Variants in MLPH observed in about 807,000 individuals in gnomAD.
MLPH encodes melanophilin, also known as exophilin-3.
In MLPH, 51 loss-of-function variants were observed where a neutral mutation model predicts 72.1. That is an observed-to-expected ratio of 0.71 (90% CI 0.56 to 0.89). The LOEUF (loss-of-function observed/expected upper bound fraction) is 0.89. Ranked by LOEUF, MLPH falls within the 40% of genes least tolerant of loss-of-function variation. MLPH has a pLI of 0.00. For missense variants in MLPH, 743 were observed against 759.9 expected (o/e 0.98, Z 0.26); for synonymous variants, 301 against 310.1 (o/e 0.97, Z 0.31).
intron 1 of MLPH, among the ~76,000 whole-genome samples, chr2:237,490,133 G>A (rs73098869): frequency 0.029 from 4,396 of 152,204 alleles, 81 homozygotes; most frequent in African/African-American, 0.052. Context: ...GCAGGGTGGC[G>A]TCTGCCCTCC....
At chr2:237,516,818 TGGATGGATGGTA>T (rs2080031633) in intron 4 of MLPH, among the ~76,000 whole-genome samples, 3 of 148,704 alleles carry the variant, frequency 2.0e-5, no homozygotes, top group Admixed American at 6.7e-5. Flanking sequence ...GATGGATGGA[TGGATGGATGGTA>T]GGATGGATGG....
At chr2:237,521,275 T>TA (rs546714457) in intron 6 of MLPH, among the ~76,000 whole-genome samples, 66 of 152,228 alleles carry the variant, frequency 4.3e-4, no homozygotes, top group African/African-American at 1.3e-3. Context: ...GCTCAGGCAT[T>TA]GCTGTATGAT....
chr2:237,492,669 C>T (rs1291540011), intron 1 of MLPH, among the ~76,000 whole-genome samples: 2 of 152,176 alleles, frequency 1.3e-5, no homozygotes, highest in African/African-American at 4.8e-5. Context: ...TCCCAAGTTG[C>T]ATCACTTTTG....
rs2081104033 is a variant in MLPH, at chr2:237,555,269, C to T, written c.*1677C>T. The stretch of plus-strand genomic sequence containing the variant: ...TCGAGCCTGGGCAACAGAGTGAGAC[C>T]TTGTCTCTTAAAAAAATTAATAATA... On this transcript the variant is annotated 3_prime_UTR_variant, in exon 16 of 16. Coordinates refer to ENST00000264605, the MANE Select transcript of MLPH (RefSeq NM_024101.7). 1 of 152,172 alleles carries T rather than the reference C, an allele frequency of 6.6e-6. No individual in the cohort carries two copies. The highest frequency in any genetic ancestry group is 2.4e-5 in the African/African-American group (1 of 41,432). The allele number at this position is 152,172 out of a possible 1,614,324, so 9.4% of individuals were successfully genotyped here.
intron 8 of MLPH, among the ~76,000 whole-genome samples, chr2:237,530,005 G>A (rs547107435): frequency 7.2e-5 from 11 of 152,368 alleles, no homozygotes; most frequent in African/African-American, 2.6e-4. Flanking sequence ...GCACAGCTGG[G>A]GTTCTCAAGG....
At chr2:237,511,126 C>T (rs755389463) in intron 4 of MLPH, 25 bp downstream of exon 4, 2 of 1,575,608 alleles carry the variant, frequency 1.3e-6, no homozygotes, top group Non-Finnish European at 1.7e-6. Flanking sequence ...GTAAGAACGG[C>T]TTTTTGTTCC....
chr2:237,545,656 C>T (rs1354614289), intron 12 of MLPH: 1 of 1,268,858 alleles, frequency 7.9e-7, no homozygotes, highest in Non-Finnish European at 1.0e-6. Context: ...GTCAGGCCAA[C>T]ATCCTCCTCT....
intron 2 of MLPH, among the ~76,000 whole-genome samples, chr2:237,509,786 T>C (rs1047140450): frequency 6.6e-6 from 1 of 152,164 alleles, no homozygotes; most frequent in Non-Finnish European, 1.5e-5. Context: ...ACTCCTCCAC[T>C]CTCTTCACCT....
intron 14 of MLPH, among the ~76,000 whole-genome samples, chr2:237,551,130 A>G (rs1402791207): frequency 6.6e-6 from 1 of 151,428 alleles, no homozygotes; most frequent in African/African-American, 2.5e-5. Flanking sequence ...AGCCCCGCAC[A>G]CTGGCAGGTC....
chr2:237,519,799 C>A, intron 5 of MLPH, 111 bp from the exon 6 acceptor site: 1 of 1,505,248 alleles, frequency 6.6e-7, no homozygotes, highest in Non-Finnish European at 9.2e-7. Context: ...GGAGAGGAGC[C>A]TGCCCCGCCC....
intron 6 of MLPH, among the ~76,000 whole-genome samples, chr2:237,521,525 T>C (rs112077221): frequency 0.1 from 15,863 of 152,268 alleles, 982 homozygotes; most frequent in Non-Finnish European, 0.14. Context: ...ATGCTAGGTG[T>C]GGCTGATTAA....
rs747847937 is a variant in MLPH, at chr2:237,510,910, T to C, written c.333-79T>C. 5.4e-4 allele frequency: 793 copies of C among 1,480,250 alleles called. 3 individuals carry two copies. The highest frequency in any genetic ancestry group is 3.8e-5 in the Non-Finnish European group (40 of 1,059,530). The allele number at this position is 1,480,250 out of a possible 1,614,324, so 91.7% of individuals were successfully genotyped here. A position where few individuals can be genotyped will look rare whatever the true frequency, so the allele number is the denominator to read the frequency against. On this transcript the variant is annotated intron_variant, in intron 3 of 15. Transcript: ENST00000264605. The surrounding 1 kb of genome is among the most constrained non-coding windows in gnomAD (Gnocchi z 4.4). The stretch of plus-strand genomic sequence containing the variant: ...ACACATGCACACACTCGTGTGTGTG[T>C]GTGTGTGTGTGTGTGAGATTTATGC...
intron 12 of MLPH, chr2:237,545,667 C>T: frequency 1.6e-6 from 2 of 1,244,146 alleles, no homozygotes; most frequent in Non-Finnish European, 2.1e-6. Flanking sequence ...ATCCTCCTCT[C>T]CTGATCCCAT....
chr2:237,520,111 C>G, intron 6 of MLPH, 82 bp downstream of exon 6: 1 of 1,588,104 alleles, frequency 6.3e-7, no homozygotes, highest in Non-Finnish European at 8.6e-7. Flanking sequence ...AGGGACAGCA[C>G]TCTGGAAGCA....
chr2:237,540,253 T>C (rs1326089007), intron 9 of MLPH, 95 bp from the exon 10 acceptor site: 1 of 1,378,976 alleles, frequency 7.3e-7, no homozygotes, highest in African/African-American at 1.5e-5. Context: ...GAACCCCAGG[T>C]GTGCTGGGCC....
intron 14 of MLPH, among the ~76,000 whole-genome samples, chr2:237,549,512 G>A (rs564639840): frequency 4.6e-5 from 7 of 152,282 alleles, no homozygotes; most frequent in East Asian, 3.9e-4. Context: ...TGGTGGCAGC[G>A]GTGGTGGTGG....
In MLPH at chr2:237,534,438, G is replaced by A. The variant is rs1023056512; in HGVS notation, c.1021-126G>A. 2.7e-5 allele frequency: 21 copies of A among 788,708 alleles called. No homozygotes were observed. The African/African-American group carries it at 3.0e-4, about 11-fold the overall frequency. The allele number at this position is 788,708 out of a possible 1,614,324, so 48.9% of individuals were successfully genotyped here. A position where few individuals can be genotyped will look rare whatever the true frequency, so the allele number is the denominator to read the frequency against. ...AATTAACCTTCCCAGGCCATGTCATGGGTGGTGGCCTTAGCTCTCCTTCCG... is the reference window on the plus strand; with the variant it reads ...AATTAACCTTCCCAGGCCATGTCATAGGTGGTGGCCTTAGCTCTCCTTCCG... On this transcript the variant is annotated intron_variant, in intron 8 of 15. Transcript: ENST00000264605.
intron 2 of MLPH, 93 bp downstream of exon 2, chr2:237,493,629 C>T (rs1037909175): frequency 5.4e-5 from 48 of 887,204 alleles, no homozygotes; most frequent in African/African-American, 5.2e-4. Flanking sequence ...TCAACAGCCA[C>T]GTGCAGGGTG....
intron 14 of MLPH, among the ~76,000 whole-genome samples, chr2:237,551,450 A>T (rs2081039070): frequency 6.6e-6 from 1 of 152,248 alleles, no homozygotes; most frequent in South Asian, 2.1e-4. Flanking sequence ...GGGGTCAGGA[A>T]GAGGTGCCCA....
Sources: gnomAD v4.1 joint callset for allele counts (sites outside exome capture counted in the v4.1 genomes callset) on GRCh38, gnomAD v4.1.1 for gene constraint, Gnocchi (gnomAD v3.1) non-coding constraint, MANE v1.5 for transcripts, NCBI Gene and HGNC (gene_info 2026-07-23, HGNC 2026-07-21) for gene names.